The following CKAP2L variants were observed in gnomAD, a reference collection of about 807,000 sequenced individuals.
CKAP2L encodes cytoskeleton associated protein 2L, also known as cytoskeleton-associated protein 2-like.
In CKAP2L, 42 loss-of-function variants were observed where a neutral mutation model predicts 65.7. The ratio of observed to expected loss-of-function variants is 0.64; its 90% CI spans 0.50 to 0.83. The LOEUF (loss-of-function observed/expected upper bound fraction) is 0.83, where lower values mean the gene tolerates loss of function less well. Ranked by LOEUF, CKAP2L falls within the 40% of genes least tolerant of loss-of-function variation. The pLI is 0.00. For missense variants in CKAP2L, 908 were observed against 871.0 expected, an observed-to-expected ratio of 1.04 and a Z score of -0.53; for synonymous variants, 325 against 313.5, an observed-to-expected ratio of 1.04 and a Z score of -0.39.
chr2:112,742,989 A>T (rs777365664), intron 6 of CKAP2L: 13 of 529,034 alleles, frequency 2.5e-5, no homozygotes, highest in Non-Finnish European at 4.0e-5. Flanking sequence ...CGACTTAATG[A>T]ACAGATGTAT....
In CKAP2L at chr2:112,740,803, T is replaced by G; in HGVS notation, c.2012+15A>C. ...TAAGTCTGTGAACACAAAGTCTGCT[T>G]TAGAGTTTGCTTACCTAGGGATTGG... On this transcript the variant is annotated intron_variant, in intron 8 of 8. Coordinates refer to ENST00000302450, the MANE Select transcript of CKAP2L (RefSeq NM_152515.5). 6.3e-7 allele frequency: 1 copy of G among 1,592,174 alleles called. No individual in the cohort carries two copies. The highest frequency in any genetic ancestry group is 8.6e-7 in the Non-Finnish European group (1 of 1,163,438).
Position 112,756,459 on chromosome 2 carries a change from C to G in CKAP2L, c.912G>C (p.Lys304Asn), listed in dbSNP as rs1680540402. The change falls in exon 4 of 9, where the codon AAG becomes AAC. Residue 304 changes from lysine (K) to asparagine (N), a missense_variant. Lys to Asn is a moderately conservative substitution (Grantham distance 94). Coordinates refer to ENST00000302450, the MANE Select transcript of CKAP2L (RefSeq NM_152515.5). The stretch of plus-strand genomic sequence containing the variant: ...GTCTTTCATATTGACTCCTATTAAC[C>G]TTTATATCTTTGATGTTCTTGACTA... ...KPVVKNIKDI[K>N]VNRSQYERPN... The G allele has an allele frequency of 1.2e-6, 2 of 1,612,514 alleles. No homozygotes were observed. The highest frequency in any genetic ancestry group is 1.1e-5 in the South Asian group (1 of 90,750).
At chr2:112,762,669 C>T in intron 1 of CKAP2L, 100 bp from the exon 2 acceptor site, 2 of 960,538 alleles carry the variant, frequency 2.1e-6, no homozygotes, top group Non-Finnish European at 1.6e-6. Flanking sequence ...AGTGATTTTG[C>T]CTTTGCAACA....
intron 6 of CKAP2L, 74 bp from the exon 7 acceptor site, chr2:112,742,843 C>T (rs1574322739): frequency 2.2e-6 from 2 of 921,488 alleles, no homozygotes; most frequent in East Asian, 4.9e-5. Context: ...ACTTTAACTT[C>T]AAATACATGT....
chr2:112,753,526 CT>C (rs59027525), intron 4 of CKAP2L, among the ~76,000 whole-genome samples: 38,213 of 99,876 alleles, frequency 0.38, 5,796 homozygotes, highest in East Asian at 0.6. Context: ...AGTTTCTTTT[CT>C]TTTTTTTTTT....
chr2:112,756,631 C>T lies in CKAP2L; in HGVS notation c.740G>A (p.Gly247Glu), dbSNP rs1279775350. The T allele has an allele frequency of 1.2e-6, 2 of 1,610,986 alleles. No individual in the cohort carries two copies. Among genetic ancestry groups the T allele is most frequent in the Non-Finnish European group, 1.7e-6 (2 of 1,179,114 alleles). Residue 247 changes from glycine to glutamate, a missense_variant, in exon 4 of 9, where the codon GGA (glycine) becomes GAA (glutamate). Transcript: ENST00000302450. ...LKDRVNKQFV[G>E]ETQSRTFPVK... The stretch of plus-strand genomic sequence containing the variant: ...TGGGAAAGTCCTGCTTTGTGTTTCT[C>T]CAACAAATTGTTTATTAACCCTATC...
At position 112,757,211 on chromosome 2, in the gene CKAP2L, T is replaced by C. The variant is rs1213074631; in HGVS notation, c.160A>G (p.Ile54Val). ...TTGGTAACATCATTTTTGGGTCTAA[T>C]AGTCTGAAAAAACAAAGAAAATACA... ...CQNQPPSKST[I>V]RPKNDVTNHV... The change falls in exon 4 of 9, where the codon ATT (isoleucine) becomes GTT (valine). Residue 54 changes from isoleucine (I) to valine (V), a missense_variant. Physicochemically the swap from Ile to Val is conservative, Grantham distance 29. Transcript: ENST00000302450. 10 of 1,571,994 alleles carry C rather than the reference T, an allele frequency of 6.4e-6. No homozygotes were observed. The African/African-American group carries it at 1.2e-4, about 19-fold the overall frequency.
chr2:112,740,763 G>T, intron 8 of CKAP2L, 55 bp downstream of exon 8: 2 of 1,431,248 alleles, frequency 1.4e-6, no homozygotes, highest in South Asian at 1.3e-5. Context: ...GAAAAATCGA[G>T]ACTTGGACTA....
In CKAP2L at chr2:112,756,812, T is replaced by C. The variant is rs771056428; in HGVS notation, c.559A>G (p.Asn187Asp). 1.2e-6 allele frequency: 2 copies of C among 1,602,336 alleles called. No homozygotes were observed. The highest frequency in any genetic ancestry group is 3.5e-5 in the Admixed American group (2 of 56,790). The change falls in exon 4 of 9, where the codon AAC becomes GAC. Residue 187 changes from asparagine to aspartate, a missense_variant. Asn to Asp is a conservative substitution (Grantham distance 23). Coordinates refer to ENST00000302450, the MANE Select transcript of CKAP2L (RefSeq NM_152515.5). ...DNFLKETNKE[N>D]LLDILTEPER... is the part of the protein sequence containing the mutation. Reference sequence around the variant, plus strand: ...GGTTCTGTTAAGATATCGAGCAAGTTCTCTTTGTTTGTTTCTTTTAGAAAG... The same window carrying C: ...GGTTCTGTTAAGATATCGAGCAAGTCCTCTTTGTTTGTTTCTTTTAGAAAG...
chr2:112,760,249 T>C (rs764579063), intron 3 of CKAP2L, among the ~76,000 whole-genome samples: 4 of 152,222 alleles, frequency 2.6e-5, no homozygotes, highest in Non-Finnish European at 5.9e-5. Flanking sequence ...TCTCTTTTAA[T>C]GACTACTGAG....
chr2:112,750,388 C>T (rs753930227), intron 5 of CKAP2L, among the ~76,000 whole-genome samples: 3 of 152,168 alleles, frequency 2.0e-5, no homozygotes, highest in Admixed American at 1.3e-4. Context: ...CTTGTCCGCC[C>T]GAGGCAGCCA....
chr2:112,753,114 T>C (rs1282440342), intron 4 of CKAP2L, among the ~76,000 whole-genome samples: 2 of 152,176 alleles, frequency 1.3e-5, no homozygotes, highest in African/African-American at 2.4e-5. Flanking sequence ...AGACCTCATG[T>C]TTGGATGTAG....
chr2:112,764,165 C>T, intron 1 of CKAP2L: 2 of 244,776 alleles, frequency 8.2e-6, no homozygotes, highest in East Asian at 2.2e-4. Context: ...TCGGCCAGAC[C>T]CCGCCTCCTG....
At position 112,757,076 on chromosome 2, in the gene CKAP2L, G is replaced by T. The variant is rs755853823; in HGVS notation, c.295C>A (p.Leu99Met). ...CATTCTGAAGTCAGCCTTTTGCCCA[G>T]AAGTTTTGGTGGCTCCAACTTCGGC... ...QKPKLEPPKL[L>M]GKRLTSECVS... is the part of the protein sequence containing the mutation. Residue 99 changes from leucine to methionine, a missense_variant, in exon 4 of 9, where the codon CTG (leucine) becomes ATG (methionine). Transcript: ENST00000302450. 1 of 1,614,178 alleles carries T rather than the reference G, an allele frequency of 6.2e-7. No homozygotes were observed. The highest frequency in any genetic ancestry group is 8.5e-7 in the Non-Finnish European group (1 of 1,180,038).
intron 6 of CKAP2L, among the ~76,000 whole-genome samples, chr2:112,743,394 G>A (rs1389972004): frequency 1.3e-5 from 2 of 151,780 alleles, no homozygotes; most frequent in Non-Finnish European, 2.9e-5. Context: ...CACCCGCCTC[G>A]GCCTCCCAAA....
chr2:112,739,747 T>G (rs1286529355), intron 8 of CKAP2L, among the ~76,000 whole-genome samples: 1 of 152,044 alleles, frequency 6.6e-6, no homozygotes, highest in Non-Finnish European at 1.5e-5. Context: ...CTCAACCTCC[T>G]AGGATCAAGG....
In CKAP2L at chr2:112,764,194, G is replaced by A; in HGVS notation, c.37+368C>T. 1.0e-5 allele frequency: 3 copies of A among 292,964 alleles called. No homozygotes were observed. The South Asian group carries it at 1.1e-4, about 10-fold the overall frequency. 18.1% of individuals were successfully genotyped at this position (292,964 alleles called of 1,614,324 possible). On this transcript the variant is annotated intron_variant, in intron 1 of 8. Coordinates refer to ENST00000302450, the MANE Select transcript of CKAP2L (RefSeq NM_152515.5). ...CCTCCTGGCACAGAGGACCACGCCC[G>A]GCTCTGCCTGGAGCCAAATGTGGAT...
chr2:112,763,203 G>A (rs1266658850), intron 1 of CKAP2L, among the ~76,000 whole-genome samples: 1 of 152,164 alleles, frequency 6.6e-6, no homozygotes, highest in Non-Finnish European at 1.5e-5. Flanking sequence ...GCAATTCCAG[G>A]ACTTGAAAAC....
chr2:112,739,053 G>A lies in CKAP2L; in HGVS notation c.2013-5C>T, dbSNP rs763566636. On this transcript the variant is annotated splice_polypyrimidine_tract_variant and splice_region_variant and intron_variant, in intron 8 of 8. Coordinates refer to ENST00000302450, the MANE Select transcript of CKAP2L (RefSeq NM_152515.5). The stretch of plus-strand genomic sequence containing the variant: ...ACTTCCGGCATCCCATTTATTCTGA[G>A]AGACAGCAAGAGATGCATTAAAAAC... 1 of 1,600,336 alleles carries A rather than the reference G, an allele frequency of 6.2e-7. No homozygotes were observed. Among genetic ancestry groups the A allele is most frequent in the Non-Finnish European group, 8.6e-7 (1 of 1,168,490 alleles).
Sources: allele counts gnomAD v4.1 joint callset (sites outside exome capture counted in the v4.1 genomes callset), GRCh38; gene constraint gnomAD v4.1.1; transcripts MANE v1.5; gene names NCBI Gene and HGNC (gene_info 2026-07-23, HGNC 2026-07-21).